AGBL4: variants seen among roughly 807,000 people sequenced by gnomAD.
AGBL4 encodes the protein AGBL carboxypeptidase 4.
A neutral mutation model predicts 66.4 loss-of-function variants in AGBL4; 58 were observed. The ratio of observed to expected loss-of-function variants is 0.87; its 90% confidence interval spans 0.71 to 1.09. The LOEUF is 1.09. AGBL4 is among the 50% of genes least tolerant of loss of function. AGBL4 has a pLI of 0.00. For synonymous variants in AGBL4, 234 were observed against 222.9 expected (o/e 1.05, Z -0.44); for missense variants, 579 against 631.0 (o/e 0.92, Z 0.88).
intron 9 of AGBL4, among the ~76,000 whole-genome samples, chr1:48,601,892 T>C (rs1645078867): frequency 1.3e-5 from 2 of 152,022 alleles, no homozygotes; most frequent in South Asian, 4.1e-4. Flanking sequence ...AGGCCTTCCC[T>C]CAGAAAGCCC....
intron 3 of AGBL4, among the ~76,000 whole-genome samples, chr1:49,268,833 A>T (rs1434236729): frequency 6.6e-6 from 1 of 152,174 alleles, no homozygotes. Context: ...AATGCATACA[A>T]ATCATATGTG....
intron 2 of AGBL4, among the ~76,000 whole-genome samples, chr1:49,698,003 C>T (rs978186022): frequency 5.9e-5 from 9 of 152,052 alleles, no homozygotes; most frequent in African/African-American, 2.2e-4. Flanking sequence ...ATCATGAAAC[C>T]TAATTTCCAT....
chr1:49,792,764 G>T (rs1644631923), intron 2 of AGBL4, among the ~76,000 whole-genome samples: 1 of 151,860 alleles, frequency 6.6e-6, no homozygotes. Context: ...CCTCCAAACT[G>T]TCTCAAGGGC....
At chr1:48,914,959 T>A (rs1236918946) in intron 5 of AGBL4, among the ~76,000 whole-genome samples, 1 of 152,180 alleles carries the variant, frequency 6.6e-6, no homozygotes, top group Non-Finnish European at 1.5e-5. Context: ...ATATCAAAGA[T>A]CTGACCCCAC....
chr1:48,546,660 A>G lies in AGBL4; in HGVS notation c.1268-6922T>C, dbSNP rs1457118130. 3.9e-5 allele frequency among the ~76,000 whole-genome samples: 6 copies of G among 152,344 alleles called. No individual in the cohort carries two copies. The South Asian group carries it at 1.0e-3, about 26-fold the overall frequency. Reference sequence around the variant, plus strand: ...AACTTAAACTTCTATTCTGTAGGCAATGAAAGCCAGTGAACATATATGGGT... The same window carrying G: ...AACTTAAACTTCTATTCTGTAGGCAGTGAAAGCCAGTGAACATATATGGGT... On this transcript the variant is annotated intron_variant, in intron 11 of 13. Transcript: ENST00000371839.
chr1:48,925,867 A>G (rs1335639172), intron 5 of AGBL4, among the ~76,000 whole-genome samples: 1 of 152,178 alleles, frequency 6.6e-6, no homozygotes, highest in Non-Finnish European at 1.5e-5. Context: ...GTAACTGTAT[A>G]GAAGTTTTTT....
At chr1:49,210,096 T>A (rs943212998) in intron 4 of AGBL4, among the ~76,000 whole-genome samples, 1 of 152,096 alleles carries the variant, frequency 6.6e-6, no homozygotes, top group African/African-American at 2.4e-5. Context: ...TCCAGATAAC[T>A]CTCTTTCCAG....
chr1:48,704,355 A>T (rs1391443527), intron 6 of AGBL4, among the ~76,000 whole-genome samples: 2 of 152,232 alleles, frequency 1.3e-5, no homozygotes, highest in African/African-American at 2.4e-5. Context: ...CTTAGGCTAC[A>T]ATCAATTTGT....
In AGBL4 at chr1:49,698,507, A is replaced by G. The variant is rs148029448; in HGVS notation, c.158-1070T>C. Among the ~76,000 whole-genome samples the G allele has an allele frequency of 8.5e-5, 13 of 152,210 alleles. 1 individual carries two copies. In the East Asian group the frequency reaches 2.5e-3, roughly 29 times the overall value. ...ACTATCCCCATTTTACATCTGAGAA[A>G]ACCAAGGTACAGAGAACTTACCCAA... On this transcript the variant is annotated intron_variant, in intron 2 of 13. Coordinates refer to ENST00000371839, the MANE Select transcript of AGBL4 (RefSeq NM_032785.4).
chr1:49,772,562 T>C (rs1644093116), intron 2 of AGBL4, among the ~76,000 whole-genome samples: 1 of 152,178 alleles, frequency 6.6e-6, no homozygotes, highest in East Asian at 1.9e-4. Flanking sequence ...TGATGAGAGA[T>C]ACTCAGTTGT....
chr1:49,129,411 C>T (rs933381303), intron 4 of AGBL4, among the ~76,000 whole-genome samples: 1 of 151,732 alleles, frequency 6.6e-6, no homozygotes, highest in African/African-American at 2.4e-5. Context: ...GTGCTGCACC[C>T]ATTAACTCGT....
intron 2 of AGBL4, among the ~76,000 whole-genome samples, chr1:49,834,607 C>G (rs1481582579): frequency 6.6e-6 from 1 of 152,012 alleles, no homozygotes; most frequent in African/African-American, 2.4e-5. Context: ...TATTTCTTGT[C>G]TTCTGTTAGC....
intron 1 of AGBL4, among the ~76,000 whole-genome samples, chr1:50,005,139 C>G (rs914998633): frequency 6.6e-6 from 1 of 152,030 alleles, no homozygotes; most frequent in African/African-American, 2.4e-5. Context: ...GGGACTTGAG[C>G]AAACATAGGC....
At chr1:49,913,235 G>A (rs750555732) in intron 1 of AGBL4, among the ~76,000 whole-genome samples, 10 of 152,240 alleles carry the variant, frequency 6.6e-5, no homozygotes, top group Non-Finnish European at 1.3e-4. Context: ...CTGTGAGCCT[G>A]TCAAATCGAA....
At chr1:49,643,769 A>T (rs963263511) in intron 3 of AGBL4, among the ~76,000 whole-genome samples, 1 of 151,722 alleles carries the variant, frequency 6.6e-6, no homozygotes, top group African/African-American at 2.4e-5. Flanking sequence ...GACTTTACCT[A>T]GTATATATGT....
At chr1:48,937,768 C>A (rs1012484614) in intron 5 of AGBL4, among the ~76,000 whole-genome samples, 1 of 152,160 alleles carries the variant, frequency 6.6e-6, no homozygotes, top group Admixed American at 6.5e-5. Context: ...AAAAAGCAGG[C>A]AACTGCTATA....
intron 11 of AGBL4, among the ~76,000 whole-genome samples, chr1:48,567,295 C>T (rs1014380412): frequency 1.3e-5 from 2 of 152,180 alleles, no homozygotes; most frequent in Admixed American, 6.5e-5. Context: ...ATCTCAATTG[C>T]TCTAGCTCTC....
At chr1:49,631,828 T>G (rs773730428) in intron 3 of AGBL4, among the ~76,000 whole-genome samples, 1 of 152,134 alleles carries the variant, frequency 6.6e-6, no homozygotes, top group Non-Finnish European at 1.5e-5. Flanking sequence ...ATCAAATCAA[T>G]AGGAAGTCCT....
chr1:48,967,234 C>T (rs1658517872), intron 5 of AGBL4, among the ~76,000 whole-genome samples: 1 of 146,862 alleles, frequency 6.8e-6, no homozygotes, highest in African/African-American at 2.5e-5. Context: ...TGCCTGTTTT[C>T]ACTCTCCAAT....
Sources: allele counts gnomAD v4.1 joint callset (sites outside exome capture counted in the v4.1 genomes callset), GRCh38; gene constraint gnomAD v4.1.1; transcripts MANE v1.5; gene names NCBI Gene and HGNC (gene_info 2026-07-23, HGNC 2026-07-21).